Variants in TNS3 observed in about 807,000 individuals in gnomAD.
The protein encoded by TNS3 is tensin-3.
TNS3 carries 45 observed loss-of-function variants against 140.9 expected under a neutral mutation model. The observed-to-expected ratio is 0.32, with a 90% CI of 0.25 to 0.41. The LOEUF (loss-of-function observed/expected upper bound fraction) is 0.41, where lower values mean the gene tolerates loss of function less well. Ranked by LOEUF, TNS3 falls within the 10% of genes least tolerant of loss-of-function variation. The pLI is 1.00. For missense variants in TNS3, 1,716 were observed against 1,906.7 expected, an observed-to-expected ratio of 0.90 and a Z score of 1.86; for synonymous variants, 815 against 788.4, an observed-to-expected ratio of 1.03 and a Z score of -0.56.
chr7:47,291,282 C>G (rs1785683678), intron 27 of TNS3, among the ~76,000 whole-genome samples: 1 of 152,126 alleles, frequency 6.6e-6, no homozygotes, highest in African/African-American at 2.4e-5. Flanking sequence ...TTGTCCAAAC[C>G]TGTAGAATGC....
intron 1 of TNS3, among the ~76,000 whole-genome samples, chr7:47,563,220 C>A (rs928905534): frequency 6.6e-6 from 1 of 152,208 alleles, no homozygotes; most frequent in African/African-American, 2.4e-5. Flanking sequence ...CTGGAGCCCC[C>A]CTTCAAGGAC....
chr7:47,434,619 G>T (rs1795085812), intron 8 of TNS3, among the ~76,000 whole-genome samples: 1 of 152,202 alleles, frequency 6.6e-6, no homozygotes, highest in Non-Finnish European at 1.5e-5. Flanking sequence ...CAAAGCAGTT[G>T]AGAAAACTGG....
At chr7:47,331,634 A>G (rs1788348351) in intron 20 of TNS3, among the ~76,000 whole-genome samples, 1 of 152,230 alleles carries the variant, frequency 6.6e-6, no homozygotes, top group Admixed American at 6.5e-5. Context: ...ATTCCAAATG[A>G]TGGAATTCTC....
At chr7:47,513,310 T>C (rs1274332809) in intron 2 of TNS3, among the ~76,000 whole-genome samples, 1 of 152,118 alleles carries the variant, frequency 6.6e-6, no homozygotes, top group South Asian at 2.1e-4. Flanking sequence ...GCTGGGACCA[T>C]TGGCGCGTGC....
At chr7:47,577,680 C>A (rs953093825) in intron 1 of TNS3, among the ~76,000 whole-genome samples, 1 of 152,206 alleles carries the variant, frequency 6.6e-6, no homozygotes, top group Non-Finnish European at 1.5e-5. Flanking sequence ...CATACATGCA[C>A]GGTTCAGCAA....
At chr7:47,409,873 G>A (rs1039853021) in intron 13 of TNS3, among the ~76,000 whole-genome samples, 3 of 152,090 alleles carry the variant, frequency 2.0e-5, no homozygotes, top group Non-Finnish European at 4.4e-5. Flanking sequence ...CAGCCAGGAT[G>A]GTCTCGATCT....
At chr7:47,559,213 G>A (rs1376745342) in intron 1 of TNS3, among the ~76,000 whole-genome samples, 1 of 152,158 alleles carries the variant, frequency 6.6e-6, no homozygotes, top group Non-Finnish European at 1.5e-5. Flanking sequence ...AGCCAGGCAT[G>A]GTGACGCGCG....
chr7:47,426,321 G>A (rs1399609805), intron 9 of TNS3, among the ~76,000 whole-genome samples: 1 of 152,082 alleles, frequency 6.6e-6, no homozygotes, highest in Non-Finnish European at 1.5e-5. Context: ...ACTTGGATAG[G>A]CAAAATCAAC....
intron 10 of TNS3, 152 bp from the exon 11 acceptor site, chr7:47,415,358 G>GAGAAC: frequency 1.7e-6 from 1 of 579,236 alleles, no homozygotes; most frequent in Non-Finnish European, 3.0e-6. Context: ...GCATGGTGCT[G>GAGAAC]CGCTTACAGG....
chr7:47,403,548 G>A (rs1163911543), intron 13 of TNS3: 1 of 152,180 alleles, frequency 6.6e-6, no homozygotes, highest in Non-Finnish European at 1.5e-5. Flanking sequence ...GCTGGCTTGA[G>A]ATCCTAACGG....
Position 47,529,130 on chromosome 7 carries a change from C to A in TNS3, c.-247G>T. ...CCTTGTTCTTAAAAGCGTGCAGACT[C>A]GAGGTTAATTCTTCCGGCTGAAAAA... On this transcript the variant is annotated 5_prime_UTR_variant, in exon 2 of 31. Coordinates refer to ENST00000311160, the MANE Select transcript of TNS3 (RefSeq NM_022748.12). The A allele has an allele frequency of 7.8e-7, 1 of 1,281,974 alleles. No individual in the cohort carries two copies. The highest frequency in any genetic ancestry group is 1.0e-6 in the Non-Finnish European group (1 of 986,220). The allele number at this position is 1,281,974 out of a possible 1,614,324, so 79.4% of individuals were successfully genotyped here. A position where few individuals can be genotyped will look rare whatever the true frequency, so the allele number is the denominator to read the frequency against.
rs932668302 is a variant in TNS3, at chr7:47,278,457, G to A, written c.4194-237C>T. On this transcript the variant is annotated intron_variant, in intron 30 of 30. Coordinates refer to ENST00000311160, the MANE Select transcript of TNS3 (RefSeq NM_022748.12). ...AGTGAGGACCCTGAGGCTGAGAGGT[G>A]AGTGCCCTGTCCACAGCCCCAGGTT... 17 of 521,770 alleles carry A rather than the reference G, an allele frequency of 3.3e-5. 1 individual carries two copies. The Middle Eastern group carries it at 1.5e-3, about 45-fold the overall frequency. The allele number at this position is 521,770 out of a possible 1,614,324, so 32.3% of individuals were successfully genotyped here.
Position 47,334,605 on chromosome 7 carries a change from C to CTTTT in TNS3, c.2650+10146_2650+10149dup, listed in dbSNP as rs386410072. Among the ~76,000 whole-genome samples the CTTTT allele has an allele frequency of 2.5e-3, 291 of 118,668 alleles. 7 individuals carry two copies. Among genetic ancestry groups the CTTTT allele is most frequent in the African/African-American group, 4.5e-3 (139 of 31,032 alleles). The allele number at this position is 118,668 out of a possible 152,430, so 77.9% of individuals were successfully genotyped here. Reference sequence around the variant, plus strand: ...GCTGAGATGTATCAGAACCACGACTCTTTTTTTTTTTTTTTTTTTTGACAG... The same window carrying CTTTT: ...GCTGAGATGTATCAGAACCACGACTCTTTTTTTTTTTTTTTTTTTTTTTTGACAG... On this transcript the variant is annotated intron_variant, in intron 20 of 30. Transcript: ENST00000311160.
chr7:47,499,000 G>T (rs571903552), intron 3 of TNS3, among the ~76,000 whole-genome samples: 12 of 152,376 alleles, frequency 7.9e-5, no homozygotes, highest in African/African-American at 2.4e-4. Context: ...GGCCACCTTC[G>T]AGTCCAAGAA....
At chr7:47,392,891 A>T (rs1477392118) in intron 16 of TNS3, among the ~76,000 whole-genome samples, 4 of 152,228 alleles carry the variant, frequency 2.6e-5, no homozygotes, top group Admixed American at 6.5e-5. Context: ...AAGCCTGGGG[A>T]TTCTGCAGAA....
intron 27 of TNS3, among the ~76,000 whole-genome samples, chr7:47,290,777 T>C (rs948034281): frequency 1.3e-5 from 2 of 152,206 alleles, no homozygotes; most frequent in African/African-American, 2.4e-5. Context: ...AGTTTGCCTG[T>C]ACCTTATAAA....
At chr7:47,567,046 A>AT (rs1156883732) in intron 1 of TNS3, among the ~76,000 whole-genome samples, 1 of 151,818 alleles carries the variant, frequency 6.6e-6, no homozygotes, top group African/African-American at 2.4e-5. Flanking sequence ...AAAAAAAAAA[A>AT]AAAAAAAGAC....
intron 1 of TNS3, among the ~76,000 whole-genome samples, chr7:47,541,066 G>T (rs1005776266): frequency 1.3e-5 from 2 of 152,270 alleles, no homozygotes; most frequent in South Asian, 4.2e-4. Context: ...CCTCAGCCTC[G>T]GGCAACAGCC....
At chr7:47,353,482 G>T (rs946526375) in intron 17 of TNS3, among the ~76,000 whole-genome samples, 1 of 152,212 alleles carries the variant, frequency 6.6e-6, no homozygotes, top group Non-Finnish European at 1.5e-5. Flanking sequence ...TATCATTGCA[G>T]AAGATTAGAA....
Sources: gnomAD v4.1 joint callset for allele counts (sites outside exome capture counted in the v4.1 genomes callset) on GRCh38, gnomAD v4.1.1 for gene constraint, MANE v1.5 for transcripts, NCBI Gene and HGNC (gene_info 2026-07-23, HGNC 2026-07-21) for gene names.